RIC1: variants seen among roughly 807,000 people sequenced by gnomAD.
RIC1 encodes the protein guanine nucleotide exchange factor subunit RIC1.
A neutral mutation model predicts 169.0 loss-of-function variants in RIC1; 88 were observed. The ratio of observed to expected loss-of-function variants is 0.52; its 90% CI spans 0.44 to 0.62. The LOEUF (loss-of-function observed/expected upper bound fraction) is 0.62. Among genes scored for constraint, RIC1 ranks in the 20% least tolerant of loss-of-function variants. The pLI, the probability that RIC1 is intolerant of heterozygous loss-of-function variation, is 0.00. For synonymous variants in RIC1, 790 were observed against 601.5 expected, an observed-to-expected ratio of 1.31 and a Z score of -4.59; for missense variants, 1,877 against 1,725.5, an observed-to-expected ratio of 1.09 and a Z score of -1.56.
At chr9:5,749,457 C>T (rs1205859624) in intron 12 of RIC1, among the ~76,000 whole-genome samples, 2 of 152,176 alleles carry the variant, frequency 1.3e-5, no homozygotes, top group African/African-American at 4.8e-5. Flanking sequence ...TTTAATTTGC[C>T]CCACAATAGT....
chr9:5,685,745 G>T (rs1427612520), intron 2 of RIC1, among the ~76,000 whole-genome samples: 1 of 149,750 alleles, frequency 6.7e-6, no homozygotes, highest in Non-Finnish European at 1.5e-5. Context: ...AACACCAAAA[G>T]CAATGGCAAC....
rs768680032 is a variant in RIC1 at position 5,747,414 on chromosome 9, C to G, written c.1361C>G (p.Pro454Arg). ...RSSSTHSEHK[P>R]SREKSPFADG... ...TCTTCAACACACTCTGAGCATAAGC[C>G]CAGTCGAGAAAAGAGCCCATTTGCA... Residue 454 changes from proline to arginine, a missense_variant, in exon 12 of 26, where the codon CCC becomes CGC. Transcript: ENST00000414202. 2.5e-6 allele frequency: 4 copies of G among 1,614,022 alleles called. No individual in the cohort carries two copies. In the East Asian group the frequency reaches 8.9e-5, roughly 36 times the overall value.
chr9:5,654,567 T>A (rs979147197), intron 1 of RIC1, among the ~76,000 whole-genome samples: 1 of 151,934 alleles, frequency 6.6e-6, no homozygotes, highest in Non-Finnish European at 1.5e-5. Context: ...TTTTTGAGAT[T>A]CAGTTTCTGT....
At chr9:5,638,494 T>A (rs146635154) in intron 1 of RIC1, among the ~76,000 whole-genome samples, 1 of 152,296 alleles carries the variant, frequency 6.6e-6, no homozygotes, top group African/African-American at 2.4e-5. Context: ...ACTGGGAGAC[T>A]TTTTATTACA....
chr9:5,706,277 G>T lies in RIC1; in HGVS notation c.333-7619G>T, dbSNP rs937467510. Among the ~76,000 whole-genome samples the T allele has an allele frequency of 5.3e-5, 8 of 152,176 alleles. No individual in the cohort carries two copies. In the South Asian group the frequency reaches 6.2e-4, roughly 12 times the overall value. On this transcript the variant is annotated intron_variant, in intron 3 of 25. Coordinates refer to ENST00000414202, the MANE Select transcript of RIC1 (RefSeq NM_020829.4). Reference sequence around the variant, plus strand: ...GATCTAGACCATCCTGACCAACATGGTGAAACTGCATCTAAAATAAAAAAA... The same window carrying T: ...GATCTAGACCATCCTGACCAACATGTTGAAACTGCATCTAAAATAAAAAAA...
chr9:5,644,726 A>T lies in RIC1; in HGVS notation c.145-11857A>T, dbSNP rs1262651208. On this transcript the variant is annotated intron_variant, in intron 1 of 25. Coordinates refer to ENST00000414202, the MANE Select transcript of RIC1 (RefSeq NM_020829.4). ...AATGATTGTGAGTAATACTGCTGTA[A>T]ACATTTGTATACATGTCTGTGTGTG... Among the ~76,000 whole-genome samples, 3 of 152,320 alleles carry T rather than the reference A, an allele frequency of 2.0e-5. No homozygotes were observed. The East Asian group carries it at 5.8e-4, about 29-fold the overall frequency.
intron 1 of RIC1, among the ~76,000 whole-genome samples, chr9:5,633,918 T>C (rs1423841220): frequency 1.3e-5 from 2 of 152,174 alleles, no homozygotes; most frequent in Non-Finnish European, 2.9e-5. Flanking sequence ...TCCCAGCCCC[T>C]GGTAATCATC....
At chr9:5,682,739 T>C (rs565215662) in intron 2 of RIC1, among the ~76,000 whole-genome samples, 23 of 152,338 alleles carry the variant, frequency 1.5e-4, no homozygotes, top group Admixed American at 7.2e-4. Context: ...TCCTGGATAA[T>C]ATCCTGCAGA....
chr9:5,646,271 T>C (rs1253116416), intron 1 of RIC1, among the ~76,000 whole-genome samples: 1 of 152,160 alleles, frequency 6.6e-6, no homozygotes, highest in African/African-American at 2.4e-5. Flanking sequence ...TTGGGTTATT[T>C]TTTGTTGAGT....
chr9:5,653,449 G>A (rs1055957592), intron 1 of RIC1, among the ~76,000 whole-genome samples: 4 of 152,148 alleles, frequency 2.6e-5, no homozygotes, highest in African/African-American at 9.7e-5. Context: ...TGACTTTGTT[G>A]ATAGCCAGAA....
In RIC1 at chr9:5,629,590, G is replaced by A. The variant is rs959641196; in HGVS notation, c.144+137G>A. 1.2e-5 allele frequency: 12 copies of A among 1,015,512 alleles called. No individual in the cohort carries two copies. In the African/African-American group the frequency reaches 1.4e-4, roughly 11 times the overall value. The allele number at this position is 1,015,512 out of a possible 1,614,324, so 62.9% of individuals were successfully genotyped here. A position where few individuals can be genotyped will look rare whatever the true frequency, so the allele number is the denominator to read the frequency against. On this transcript the variant is annotated intron_variant, in intron 1 of 25. Coordinates refer to ENST00000414202, the MANE Select transcript of RIC1 (RefSeq NM_020829.4). ...ACCTGCCTTCGCAGTCCGCGTCCTC[G>A]TTCCACCGAATTGGCCGCAGGTACC...
intron 4 of RIC1, among the ~76,000 whole-genome samples, chr9:5,718,680 C>A (rs1345587559): frequency 6.6e-6 from 1 of 152,000 alleles, no homozygotes; most frequent in Non-Finnish European, 1.5e-5. Context: ...TATACTCTAC[C>A]CACCAAATGA....
At chr9:5,653,525 A>G (rs1818921710) in intron 1 of RIC1, among the ~76,000 whole-genome samples, 1 of 152,196 alleles carries the variant, frequency 6.6e-6, no homozygotes, top group African/African-American at 2.4e-5. Context: ...AAGAACTGAC[A>G]TATTGTGACA....
chr9:5,755,308 A>T (rs1466340234), intron 15 of RIC1, among the ~76,000 whole-genome samples: 4 of 152,236 alleles, frequency 2.6e-5, no homozygotes, highest in Non-Finnish European at 5.9e-5. Context: ...CAAGACCATC[A>T]GTGGATGCCT....
rs1341198930 is a variant in RIC1 at position 5,753,548 on chromosome 9, G to C, written c.1504G>C (p.Asp502His). The change falls in exon 14 of 26, where the codon GAT becomes CAT. Residue 502 changes from aspartate (D) to histidine (H), a missense_variant. By Grantham distance (81) the Asp-to-His change is moderately conservative. Around this residue, in one of 3 missense-constraint regions of RIC1, gnomAD observed 1,104 missense variants for 992.0 expected, o/e 1.11. Transcript: ENST00000414202. Reference sequence around the variant, plus strand: ...TTTTTTTAAACAGTTTTCAGCTATTGATAAGCTTGGACAGAATATTGCTGT... The same window carrying C: ...TTTTTTTAAACAGTTTTCAGCTATTCATAAGCTTGGACAGAATATTGCTGT... ...SNWPIRFSAIDKLGQNIAVVG... is the reference protein window; with the variant it reads ...SNWPIRFSAIHKLGQNIAVVG... 2 of 1,597,038 alleles carry C rather than the reference G, an allele frequency of 1.3e-6. No homozygotes were observed. Among genetic ancestry groups the C allele is most frequent in the Non-Finnish European group, 1.7e-6 (2 of 1,172,322 alleles).
intron 1 of RIC1, among the ~76,000 whole-genome samples, chr9:5,655,610 G>A (rs753228410): frequency 2.4e-4 from 36 of 151,872 alleles, no homozygotes; most frequent in East Asian, 1.8e-3. Context: ...CTTGCTCAGC[G>A]TTTTTATCTT....
chr9:5,664,006 C>T (rs375480651), intron 2 of RIC1, among the ~76,000 whole-genome samples: 10 of 152,136 alleles, frequency 6.6e-5, no homozygotes, highest in African/African-American at 1.7e-4. Flanking sequence ...CTGATGGTTA[C>T]GAATTCCCTC....
In RIC1 at chr9:5,765,452, C is replaced by G. The variant is rs1368282232; in HGVS notation, c.2880C>G (p.Thr960=). The change falls in exon 20 of 26, where the codon ACC becomes ACG. Residue 960 remains threonine, a synonymous_variant. Transcript: ENST00000414202. ...EVPAVSRQHA[T]LLFNTALEQG... is the part of the protein sequence containing the mutation. The stretch of plus-strand genomic sequence containing the variant: ...CTGCAGTAAGTAGGCAACATGCTAC[C>G]CTTCTATTCAACACAGCACTAGAAC... 6.2e-7 allele frequency: 1 copy of G among 1,613,982 alleles called. No homozygotes were observed. The highest frequency in any genetic ancestry group is 1.1e-5 in the South Asian group (1 of 91,064).
chr9:5,773,854 T>C (rs1437855453), intron 25 of RIC1, 104 bp from the exon 26 acceptor site: 29 of 1,086,922 alleles, frequency 2.7e-5, no homozygotes, highest in Non-Finnish European at 3.4e-5. Context: ...TCCTAATCTA[T>C]CGTCGTCTTT....
Sources: gnomAD v4.1 joint callset for allele counts (sites outside exome capture counted in the v4.1 genomes callset) on GRCh38, gnomAD v4.1.1 for gene constraint, gnomAD v4.1.1 regional missense constraint, MANE v1.5 for transcripts, NCBI Gene and HGNC (gene_info 2026-07-23, HGNC 2026-07-21) for gene names.